The following CRTC1 variants were observed in gnomAD, a reference collection of about 807,000 sequenced individuals.
The protein encoded by CRTC1 is CREB-regulated transcription coactivator 1.
In CRTC1, 18 loss-of-function variants were observed where a neutral mutation model predicts 66.1. That is an observed-to-expected ratio of 0.27 (90% CI 0.19 to 0.40). CRTC1 has a LOEUF of 0.40. CRTC1 is among the 10% of genes least tolerant of loss of function. The pLI is 1.00. For synonymous variants in CRTC1, 416 were observed against 398.8 expected (o/e 1.04, Z -0.51); for missense variants, 669 against 887.9 (o/e 0.75, Z 3.13).
chr19:18,770,562 TGGC>T (rs1367708460), intron 10 of CRTC1, among the ~76,000 whole-genome samples: 1 of 152,190 alleles, frequency 6.6e-6, no homozygotes, highest in Non-Finnish European at 1.5e-5. Flanking sequence ...TCCCTGCCCA[TGGC>T]GGTGTGTGTG....
intron 6 of CRTC1, among the ~76,000 whole-genome samples, chr19:18,758,380 G>GA (rs890669014): frequency 2.7e-5 from 4 of 149,610 alleles, no homozygotes; most frequent in African/African-American, 4.9e-5. Context: ...AAAAAAGAAA[G>GA]AAAAAAAAGG....
In CRTC1 at chr19:18,683,836, G is replaced by T; in HGVS notation, c.126+8G>T. 1 of 1,254,426 alleles carries T rather than the reference G, an allele frequency of 8.0e-7. No homozygotes were observed. Among genetic ancestry groups the T allele is most frequent in the South Asian group, 1.6e-5 (1 of 61,468 alleles). The allele number at this position is 1,254,426 out of a possible 1,614,324, so 77.7% of individuals were successfully genotyped here. A position where few individuals can be genotyped will look rare whatever the true frequency, so the allele number is the denominator to read the frequency against. On this transcript the variant is annotated splice_region_variant and intron_variant, in intron 1 of 13. Transcript: ENST00000321949. ...CTGACGCGGGCCGCGCGGGTAAGGGGGCTGCCCGCGCCGACCCTTCAGGGC... is the reference window on the plus strand; with the variant it reads ...CTGACGCGGGCCGCGCGGGTAAGGGTGCTGCCCGCGCCGACCCTTCAGGGC...
At chr19:18,688,963 G>A (rs188726043) in intron 1 of CRTC1, among the ~76,000 whole-genome samples, 7 of 151,590 alleles carry the variant, frequency 4.6e-5, no homozygotes, top group Non-Finnish European at 5.9e-5. Flanking sequence ...TTTTTTTTTG[G>A]AGACAGAGTC....
At position 18,760,113 on chromosome 19, in the gene CRTC1, G is replaced by A. The variant is rs1062693; in HGVS notation, c.771G>A (p.Pro257=). ...PDLTNIHFPS[P]LPTPLDPEEP... ...TGACCAACATCCACTTCCCCTCCCC[G>A]CTCCCGACCCCGCTGGACCCCGAGG... The change falls in exon 8 of 14, where the codon CCG becomes CCA. Residue 257 remains proline, a synonymous_variant. Transcript: ENST00000321949. The surrounding 1 kb of genome is among the most constrained non-coding windows in gnomAD (Gnocchi z 6.2). The A allele has an allele frequency of 8.7e-6, 14 of 1,613,648 alleles. No individual in the cohort carries two copies. Among genetic ancestry groups the A allele is most frequent in the Middle Eastern group, 1.7e-4 (1 of 6,060 alleles).
chr19:18,745,743 TCTGGGGCCAGCG>T lies in CRTC1; in HGVS notation c.244-70_244-59del, dbSNP rs878934803. 240 of 1,577,276 alleles carry T rather than the reference TCTGGGGCCAGCG, an allele frequency of 1.5e-4. 1 individual carries two copies. In the East Asian group the frequency reaches 1.9e-3, roughly 13 times the overall value. On this transcript the variant is annotated intron_variant, in intron 2 of 13. Coordinates refer to ENST00000321949, the MANE Select transcript of CRTC1 (RefSeq NM_015321.3). ...AGAGTGGGGGGCCCTGCGATCAGACTCTGGGGCCAGCGCTGGGGCCACAGCTGGTAACCATTG... is the reference window on the plus strand; with the variant it reads ...AGAGTGGGGGGCCCTGCGATCAGACTCTGGGGCCACAGCTGGTAACCATTG...
chr19:18,700,526 TAAAG>T lies in CRTC1; in HGVS notation c.126+16702_126+16705del, dbSNP rs777522704. 8.0e-4 allele frequency among the ~76,000 whole-genome samples: 120 copies of T among 150,088 alleles called. 1 individual carries two copies. Among genetic ancestry groups the T allele is most frequent in the Middle Eastern group, 3.5e-3 (1 of 288 alleles). ...TTTTTTTAAATAAAAAAAATGAAAATAAAGAAATCATTTATGTTTCAAAACTTTG... is the reference window on the plus strand; with the variant it reads ...TTTTTTTAAATAAAAAAAATGAAAATAAATCATTTATGTTTCAAAACTTTG... On this transcript the variant is annotated intron_variant, in intron 1 of 13. Coordinates refer to ENST00000321949, the MANE Select transcript of CRTC1 (RefSeq NM_015321.3).
chr19:18,765,594 C>A, intron 9 of CRTC1, 66 bp downstream of exon 9: 2 of 1,469,988 alleles, frequency 1.4e-6, no homozygotes, highest in South Asian at 1.2e-5. Context: ...GGCTCTACCT[C>A]TTAGAAGGCC....
At chr19:18,715,636 C>T (rs1446530141) in intron 1 of CRTC1, among the ~76,000 whole-genome samples, 1 of 152,262 alleles carries the variant, frequency 6.6e-6, no homozygotes, top group African/African-American at 2.4e-5. Flanking sequence ...CCACCTGTGG[C>T]CCCGGGGACG....
At chr19:18,706,180 GTCTTTTTTT>G in intron 1 of CRTC1, among the ~76,000 whole-genome samples, 1 of 26,362 alleles carries the variant, frequency 3.8e-5, no homozygotes, top group East Asian at 1.0e-3. Flanking sequence ...TATTCCATTG[GTCTTTTTTT>G]TTTTTTTTTT....
chr19:18,723,960 C>T (rs576354643), intron 1 of CRTC1, among the ~76,000 whole-genome samples: 13 of 152,264 alleles, frequency 8.5e-5, no homozygotes, highest in East Asian at 5.8e-4. Flanking sequence ...GTGTTAATGG[C>T]GATGGCATTC....
At chr19:18,710,886 G>A (rs557922246) in intron 1 of CRTC1, among the ~76,000 whole-genome samples, 122 of 152,284 alleles carry the variant, frequency 8.0e-4, no homozygotes, top group African/African-American at 2.8e-3. Context: ...AAAGTGCTGG[G>A]ATTACAGGTG....
chr19:18,761,337 A>G lies in CRTC1; in HGVS notation c.886+1109A>G, dbSNP rs182216085. 8.9e-4 allele frequency among the ~76,000 whole-genome samples: 135 copies of G among 151,386 alleles called. 1 individual carries two copies. The highest frequency in any genetic ancestry group is 3.0e-3 in the African/African-American group (122 of 41,286). ...GGTGGCAGGCACCTGGCTTCCAAGG[A>G]GGAGAAATGGCGTGGCCCCAACTAG... On this transcript the variant is annotated intron_variant, in intron 8 of 13. Transcript: ENST00000321949.
chr19:18,755,764 G>A (rs184241763), intron 6 of CRTC1, among the ~76,000 whole-genome samples: 21 of 151,752 alleles, frequency 1.4e-4, no homozygotes, highest in Admixed American at 7.9e-4. Context: ...TACCGTGCCC[G>A]GCCAATTTTT....
chr19:18,689,135 CAG>C (rs2052760892), intron 1 of CRTC1, among the ~76,000 whole-genome samples: 1 of 151,372 alleles, frequency 6.6e-6, no homozygotes, highest in Non-Finnish European at 1.5e-5. Context: ...TGAGTAGAGA[CAG>C]GGTTTTGCCA....
intron 1 of CRTC1, among the ~76,000 whole-genome samples, chr19:18,685,612 A>G (rs577532955): frequency 6.6e-6 from 1 of 152,154 alleles, no homozygotes; most frequent in Non-Finnish European, 1.5e-5. Flanking sequence ...AGCCGAGATC[A>G]TGTTACTGTA....
intron 8 of CRTC1, among the ~76,000 whole-genome samples, chr19:18,762,043 G>A (rs368734326): frequency 2.9e-4 from 44 of 152,310 alleles, no homozygotes; most frequent in African/African-American, 7.5e-4. Flanking sequence ...GCATCCACAC[G>A]CACCTGCGCA....
Position 18,777,469 on chromosome 19 carries a change from C to G in CRTC1, c.*87C>G. On this transcript the variant is annotated 3_prime_UTR_variant, in exon 14 of 14. Transcript: ENST00000321949. This position sits in a 1 kb window ranked among gnomAD's most constrained non-coding sequence, Gnocchi z 5.5. ...GCCGTGCTCCGTCCCTCGCCAACGG[C>G]CGAGCTTGTGATTCTGAGCTTGCAA... 1.6e-6 allele frequency: 2 copies of G among 1,265,222 alleles called. No individual in the cohort carries two copies. The allele number at this position is 1,265,222 out of a possible 1,614,324, so 78.4% of individuals were successfully genotyped here.
chr19:18,765,655 T>C, intron 9 of CRTC1, 127 bp downstream of exon 9: 1 of 897,588 alleles, frequency 1.1e-6, no homozygotes, highest in South Asian at 2.1e-5. Context: ...CCCAACACTT[T>C]TAGTTTTTAT....
chr19:18,766,302 T>TA (rs1279894887), intron 9 of CRTC1, among the ~76,000 whole-genome samples: 23 of 149,934 alleles, frequency 1.5e-4, no homozygotes, highest in African/African-American at 5.1e-4. Flanking sequence ...TTTTTTTTTT[T>TA]TTTTTTTGGT....
Sources: gnomAD v4.1 joint callset for allele counts (sites outside exome capture counted in the v4.1 genomes callset) on GRCh38, gnomAD v4.1.1 for gene constraint, Gnocchi (gnomAD v3.1) non-coding constraint, MANE v1.5 for transcripts, NCBI Gene and HGNC (gene_info 2026-07-23, HGNC 2026-07-21) for gene names.